Variants in PRKG1 observed in about 807,000 individuals in gnomAD.
PRKG1 encodes the protein cGMP-dependent protein kinase 1.
In PRKG1, 35 loss-of-function variants were observed where a neutral mutation model predicts 88.1. The observed-to-expected ratio is 0.40, with a 90% CI of 0.30 to 0.53. The LOEUF (loss-of-function observed/expected upper bound fraction) is 0.53. Among genes scored for constraint, PRKG1 ranks in the 20% least tolerant of loss-of-function variants. The pLI is 0.59. For synonymous variants in PRKG1, 303 were observed against 292.5 expected (o/e 1.04, Z -0.37); for missense variants, 540 against 839.8 (o/e 0.64, Z 4.41).
At chr10:51,159,810 G>T (rs185954819) in intron 2 of PRKG1, among the ~76,000 whole-genome samples, 1 of 152,198 alleles carries the variant, frequency 6.6e-6, no homozygotes, top group African/African-American at 2.4e-5. Flanking sequence ...TGAAAACATG[G>T]TCACATGGAG....
chr10:51,628,945 G>A (rs1486040957), intron 3 of PRKG1, among the ~76,000 whole-genome samples: 9 of 139,292 alleles, frequency 6.5e-5, no homozygotes, highest in South Asian at 2.3e-4. Flanking sequence ...CGGCCTGGGC[G>A]ACAGAGCGAG....
intron 3 of PRKG1, among the ~76,000 whole-genome samples, chr10:51,704,755 A>G (rs1841564260): frequency 1.3e-5 from 2 of 152,200 alleles, no homozygotes; most frequent in Admixed American, 1.3e-4. Flanking sequence ...GGAGTGTGAC[A>G]AAAGATGGGC....
At chr10:51,940,478 G>C (rs531005433) in intron 5 of PRKG1, among the ~76,000 whole-genome samples, 2 of 151,852 alleles carry the variant, frequency 1.3e-5, no homozygotes, top group Non-Finnish European at 2.9e-5. Context: ...CAAGGCCTCT[G>C]TTTATAGCTC....
At chr10:51,527,576 C>T (rs1016731064) in intron 3 of PRKG1, among the ~76,000 whole-genome samples, 58 of 151,958 alleles carry the variant, frequency 3.8e-4, no homozygotes, top group African/African-American at 1.4e-3. Context: ...TGTTAAAATG[C>T]GTAGAGTAAA....
chr10:51,953,633 A>G (rs967405997), intron 5 of PRKG1, among the ~76,000 whole-genome samples: 10 of 152,090 alleles, frequency 6.6e-5, no homozygotes, highest in African/African-American at 2.4e-4. Flanking sequence ...AGTGCCTGGC[A>G]GTGTGTCAGT....
At chr10:51,981,646 T>A (rs926504707) in intron 5 of PRKG1, among the ~76,000 whole-genome samples, 3 of 152,040 alleles carry the variant, frequency 2.0e-5, no homozygotes, top group African/African-American at 7.2e-5. Context: ...TGGCCCCCAA[T>A]CTCTTCTGGC....
intron 9 of PRKG1, among the ~76,000 whole-genome samples, chr10:52,204,963 A>G (rs1839778369): frequency 6.6e-6 from 1 of 152,150 alleles, no homozygotes; most frequent in African/African-American, 2.4e-5. Flanking sequence ...AAGGAATATT[A>G]ATAATTAACA....
chr10:51,704,636 T>C (rs536605885), intron 3 of PRKG1, among the ~76,000 whole-genome samples: 11 of 152,168 alleles, frequency 7.2e-5, no homozygotes, highest in Non-Finnish European at 1.5e-4. Context: ...TAATCTGGCA[T>C]AGATAGGTAG....
chr10:51,915,586 G>T (rs1468486059), intron 5 of PRKG1, among the ~76,000 whole-genome samples: 1 of 151,898 alleles, frequency 6.6e-6, no homozygotes, highest in African/African-American at 2.4e-5. Context: ...GGAAGATGGG[G>T]AGGATAAAAA....
At chr10:51,727,376 T>C (rs1361470371) in intron 3 of PRKG1, among the ~76,000 whole-genome samples, 1 of 152,002 alleles carries the variant, frequency 6.6e-6, no homozygotes, top group African/African-American at 2.4e-5. Context: ...ATTATGGTGC[T>C]CAGGATTGTG....
Position 51,486,625 on chromosome 10 carries a change from G to A in PRKG1, c.592+18789G>A, listed in dbSNP as rs117730467. On this transcript the variant is annotated intron_variant, in intron 3 of 17. Coordinates refer to ENST00000373980, the MANE Select transcript of PRKG1 (RefSeq NM_006258.4). ...AATCTCAAAATCAAAATAGCTTTTT[G>A]GAGGAAAATCTTCCATTCCGTACTA... 7.9e-5 allele frequency among the ~76,000 whole-genome samples: 12 copies of A among 152,144 alleles called. No homozygotes were observed. The East Asian group carries it at 2.3e-3, about 29-fold the overall frequency.
At chr10:51,877,741 C>A (rs1841335252) in intron 4 of PRKG1, among the ~76,000 whole-genome samples, 1 of 152,146 alleles carries the variant, frequency 6.6e-6, no homozygotes. Flanking sequence ...GATTTTTGCC[C>A]TATTCTTTAA....
chr10:51,697,964 T>G, intron 3 of PRKG1: 1 of 1,602,248 alleles, frequency 6.2e-7, no homozygotes, highest in Non-Finnish European at 8.5e-7. Flanking sequence ...GCCTGCCCCC[T>G]GCATCCCTCC....
In PRKG1 at chr10:51,633,781, C is replaced by T. The variant is rs114520698; in HGVS notation, c.592+165945C>T. Among the ~76,000 whole-genome samples the T allele has an allele frequency of 5.7e-3, 874 of 152,140 alleles. 9 individuals are homozygous for T. The highest frequency in any genetic ancestry group is 0.02 in the African/African-American group (828 of 41,520). ...TCCAGATTTTTAACATGAAATGTCC[C>T]GGCTTATAAATGTTGGCTCAATTTT... On this transcript the variant is annotated intron_variant, in intron 3 of 17. Transcript: ENST00000373980.
intron 5 of PRKG1, among the ~76,000 whole-genome samples, chr10:51,931,932 G>A (rs990437533): frequency 5.9e-5 from 9 of 152,040 alleles, no homozygotes; most frequent in African/African-American, 2.2e-4. Context: ...TATTTAAAAA[G>A]GAGAGAAATG....
chr10:51,324,057 T>TCCA (rs1218664266), intron 2 of PRKG1, among the ~76,000 whole-genome samples: 8 of 152,232 alleles, frequency 5.3e-5, no homozygotes, highest in Non-Finnish European at 7.3e-5. Context: ...ATCAGAGTAA[T>TCCA]TGGGATATCC....
At chr10:51,300,082 G>T (rs1364125913) in intron 2 of PRKG1, among the ~76,000 whole-genome samples, 1 of 152,166 alleles carries the variant, frequency 6.6e-6, no homozygotes, top group Non-Finnish European at 1.5e-5. Flanking sequence ...CAGTTGATTG[G>T]ATTACTTGCT....
At chr10:51,061,469 C>G (rs896740408) in intron 1 of PRKG1, among the ~76,000 whole-genome samples, 4 of 152,110 alleles carry the variant, frequency 2.6e-5, no homozygotes, top group African/African-American at 9.7e-5. Flanking sequence ...ATTTATTGTG[C>G]TAGTCATTTA....
intron 3 of PRKG1, among the ~76,000 whole-genome samples, chr10:51,801,687 T>C (rs970265265): frequency 7.2e-5 from 11 of 152,136 alleles, no homozygotes; most frequent in African/African-American, 2.7e-4. Flanking sequence ...TCCAGATTTG[T>C]GGTCTCTTAG....
Sources: gnomAD v4.1 joint callset for allele counts (sites outside exome capture counted in the v4.1 genomes callset) on GRCh38, gnomAD v4.1.1 for gene constraint, MANE v1.5 for transcripts, NCBI Gene and HGNC (gene_info 2026-07-23, HGNC 2026-07-21) for gene names.